The following USH1C variants were observed in gnomAD, a reference collection of about 807,000 sequenced individuals.
USH1C encodes the protein USH1 protein network component harmonin.
Under a neutral mutation model 119.3 loss-of-function variants are expected in USH1C, and 90 were observed. That is an observed-to-expected ratio of 0.75 (90% CI 0.64 to 0.90). The LOEUF is 0.90. Ranked by LOEUF, USH1C falls within the 40% of genes least tolerant of loss-of-function variation. The pLI is 0.00. For synonymous variants in USH1C, 465 were observed against 443.3 expected, an observed-to-expected ratio of 1.05 and a Z score of -0.62; for missense variants, 1,165 against 1,167.7, an observed-to-expected ratio of 1.00 and a Z score of 0.03.
At chr11:17,510,381 A>T (rs757998075) in intron 17 of USH1C, 24 bp downstream of exon 17, 68 of 1,581,414 alleles carry the variant, frequency 4.3e-5, no homozygotes, top group Non-Finnish European at 3.6e-5. Context: ...AGGAGGGTCT[A>T]TGTGGAAAGA....
At chr11:17,526,242 G>T in intron 8 of USH1C, 105 bp downstream of exon 8, 3 of 947,778 alleles carry the variant, frequency 3.2e-6, no homozygotes, top group South Asian at 1.4e-5. Flanking sequence ...TCACACCCCT[G>T]GTGGGCAAGG....
At chr11:17,518,667 A>C (rs1850263528) in intron 14 of USH1C, among the ~76,000 whole-genome samples, 1 of 152,206 alleles carries the variant, frequency 6.6e-6, no homozygotes, top group South Asian at 2.1e-4. Flanking sequence ...GCACATAATT[A>C]GGATGAGTGA....
intron 4 of USH1C, among the ~76,000 whole-genome samples, chr11:17,529,846 AT>A (rs1035838113): frequency 2.0e-5 from 3 of 152,230 alleles, no homozygotes; most frequent in Non-Finnish European, 4.4e-5. Context: ...TGTAGGTCTC[AT>A]TAAAATACCC....
intron 1 of USH1C, among the ~76,000 whole-genome samples, chr11:17,541,777 C>A (rs1284276877): frequency 6.6e-6 from 1 of 152,244 alleles, no homozygotes; most frequent in Non-Finnish European, 1.5e-5. Context: ...CCACTGGACA[C>A]TCTGCAGGTA....
chr11:17,503,394 G>A (rs1849522489), intron 20 of USH1C, among the ~76,000 whole-genome samples: 1 of 152,214 alleles, frequency 6.6e-6, no homozygotes. Flanking sequence ...TGTTTTGTGT[G>A]AATTTAGATC....
chr11:17,502,709 C>T (rs1849493744), intron 20 of USH1C, among the ~76,000 whole-genome samples: 2 of 152,172 alleles, frequency 1.3e-5, no homozygotes, highest in Non-Finnish European at 2.9e-5. Flanking sequence ...GGTGTAGAAA[C>T]AAGACAGTGA....
chr11:17,508,237 G>T (rs1849725836), intron 18 of USH1C, among the ~76,000 whole-genome samples: 1 of 152,216 alleles, frequency 6.6e-6, no homozygotes, highest in South Asian at 2.1e-4. Flanking sequence ...ATTTCTTCCT[G>T]TCAAAGCTGC....
intron 18 of USH1C, among the ~76,000 whole-genome samples, chr11:17,508,217 G>A (rs550653749): frequency 2.0e-5 from 3 of 152,354 alleles, no homozygotes; most frequent in East Asian, 1.9e-4. Context: ...GATGTCCCGA[G>A]AACAGGCAGA....
chr11:17,498,059 G>A lies in USH1C; in HGVS notation c.2490+103C>T, dbSNP rs538074070. The stretch of plus-strand genomic sequence containing the variant: ...CCAAAGTGTTGCCTGGACTCCAGAT[G>A]CCCACCCTGGAATGAGGCATCCTAT... On this transcript the variant is annotated intron_variant, in intron 24 of 26. Transcript: ENST00000005226. 109 of 1,016,584 alleles carry A rather than the reference G, an allele frequency of 1.1e-4. No individual in the cohort carries two copies. In the African/African-American group the frequency reaches 1.5e-3, roughly 14 times the overall value. 63.0% of individuals were successfully genotyped at this position (1,016,584 alleles called of 1,614,324 possible).
chr11:17,524,587 GC>G, intron 8 of USH1C, 52 bp from the exon 9 acceptor site: 1 of 1,544,414 alleles, frequency 6.5e-7, no homozygotes. Context: ...CATGTCCAGT[GC>G]TCAGGATACA....
chr11:17,501,333 C>T (rs1849435718), intron 22 of USH1C, 149 bp downstream of exon 22: 2 of 1,104,812 alleles, frequency 1.8e-6, no homozygotes, highest in Non-Finnish European at 2.7e-6. Context: ...GGCCCTACAA[C>T]AGAGGGGCGT....
chr11:17,501,650 G>A (rs547152768), intron 21 of USH1C, 115 bp from the exon 22 acceptor site: 29 of 1,278,654 alleles, frequency 2.3e-5, no homozygotes, highest in Non-Finnish European at 3.0e-5. Context: ...AGAGCACATG[G>A]GCAAGGGGAC....
chr11:17,535,367 G>C (rs35176543), intron 1 of USH1C, among the ~76,000 whole-genome samples: 2 of 151,824 alleles, frequency 1.3e-5, no homozygotes, highest in South Asian at 4.2e-4. Context: ...CCACTTCCCT[G>C]CCTGGCCACC....
At chr11:17,511,814 C>A in intron 16 of USH1C, 88 bp downstream of exon 16, 1 of 1,496,008 alleles carries the variant, frequency 6.7e-7, no homozygotes. Context: ...TTGAGGAGAA[C>A]AACTCCAGCT....
intron 23 of USH1C, among the ~76,000 whole-genome samples, chr11:17,500,318 T>C (rs1048023809): frequency 3.9e-5 from 6 of 152,334 alleles, no homozygotes; most frequent in Admixed American, 3.9e-4. Flanking sequence ...TGGATTCAAG[T>C]CCTGCCTCCA....
intron 15 of USH1C, among the ~76,000 whole-genome samples, chr11:17,515,971 C>T (rs558788765): frequency 2.6e-5 from 4 of 152,376 alleles, no homozygotes; most frequent in African/African-American, 9.6e-5. Context: ...TGCCCCTTTC[C>T]TGTTCCCATC....
chr11:17,517,395 G>C, intron 14 of USH1C: 1 of 1,575,966 alleles, frequency 6.3e-7, no homozygotes, highest in Non-Finnish European at 8.6e-7. Flanking sequence ...AAGCGGGGAC[G>C]CGAACCTGCT....
rs1850991226 is a variant in USH1C at position 17,531,652 on chromosome 11, A to G, written c.105-110T>C. The G allele has an allele frequency of 8.5e-6, 12 of 1,406,118 alleles. No homozygotes were observed. The highest frequency in any genetic ancestry group is 1.1e-5 in the Non-Finnish European group (11 of 1,024,428). 87.1% of individuals were successfully genotyped at this position (1,406,118 alleles called of 1,614,324 possible). A position where few individuals can be genotyped will look rare whatever the true frequency, so the allele number is the denominator to read the frequency against. On this transcript the variant is annotated intron_variant, in intron 2 of 26. Transcript: ENST00000005226. The surrounding 1 kb of genome is among the most constrained non-coding windows in gnomAD (Gnocchi z 4.2). ...CCACTGGGCCCAGGCTTAGGAATGGAGTAGACCACTCCTGAAAAGCCCAGA... is the reference window on the plus strand; with the variant it reads ...CCACTGGGCCCAGGCTTAGGAATGGGGTAGACCACTCCTGAAAAGCCCAGA...
Position 17,516,506 on chromosome 11 carries a change from G to A in USH1C, c.1211-216C>T, listed in dbSNP as rs184321309. 233 of 594,298 alleles carry A rather than the reference G, an allele frequency of 3.9e-4. 3 individuals carry two copies. In the East Asian group the frequency reaches 6.5e-3, roughly 17 times the overall value. 36.8% of individuals were successfully genotyped at this position (594,298 alleles called of 1,614,324 possible). On this transcript the variant is annotated intron_variant, in intron 14 of 26. Transcript: ENST00000005226. ...GCCTAAGACCACCGAGAAAAGCCCC[G>A]GTTCCCAGGCCCTGGGTCACTCTCA...
Sources: allele counts gnomAD v4.1 joint callset (sites outside exome capture counted in the v4.1 genomes callset), GRCh38; gene constraint gnomAD v4.1.1; non-coding constraint Gnocchi (gnomAD v3.1); transcripts MANE v1.5; gene names NCBI Gene and HGNC (gene_info 2026-07-23, HGNC 2026-07-21).